The following CCDC40 variants were observed in gnomAD, a reference collection of about 807,000 sequenced individuals.
The protein encoded by CCDC40 is coiled-coil domain 40 molecular ruler complex subunit.
In CCDC40, 104 loss-of-function variants were observed where a neutral mutation model predicts 124.5. That is an observed-to-expected ratio of 0.84 (90% CI 0.71 to 0.98). CCDC40 has a LOEUF of 0.98. Ranked by LOEUF, CCDC40 falls within the 50% of genes least tolerant of loss-of-function variation. CCDC40 has a pLI of 0.00. For missense variants in CCDC40, 1,463 were observed against 1,503.9 expected, an observed-to-expected ratio of 0.97 and a Z score of 0.45; for synonymous variants, 580 against 602.9, an observed-to-expected ratio of 0.96 and a Z score of 0.56.
At position 80,095,955 on chromosome 17, in the gene CCDC40, T is replaced by C. The variant is rs894952055; in HGVS notation, c.3021+504T>C. ...GCCTGCATCCGCATACCCCAGGCCA[T>C]GTCCACTGGGCCTGCACTGGGAGGG... On this transcript the variant is annotated intron_variant, in intron 18 of 19. Transcript: ENST00000397545. 1.1e-4 allele frequency among the ~76,000 whole-genome samples: 17 copies of C among 152,216 alleles called. 1 individual carries two copies. The highest frequency in any genetic ancestry group is 1.1e-3 in the Admixed American group (17 of 15,292).
In CCDC40 at chr17:80,099,918, C is replaced by T; in HGVS notation, c.*143C>T. The T allele has an allele frequency of 1.1e-6, 1 of 877,522 alleles. No homozygotes were observed. Among genetic ancestry groups the T allele is most frequent in the Non-Finnish European group, 1.7e-6 (1 of 573,018 alleles). 54.4% of individuals were successfully genotyped at this position (877,522 alleles called of 1,614,324 possible). On this transcript the variant is annotated 3_prime_UTR_variant, in exon 20 of 20. Transcript: ENST00000397545. The stretch of plus-strand genomic sequence containing the variant: ...TCGTTTAAGAGAAATAAGCCAGCCC[C>T]ACCCATAGGAATCTTTTTAGCCACT...
At chr17:80,062,980 G>A (rs2037943567) in intron 9 of CCDC40, among the ~76,000 whole-genome samples, 1 of 152,072 alleles carries the variant, frequency 6.6e-6, no homozygotes, top group Non-Finnish European at 1.5e-5. Context: ...GATCACCTGA[G>A]GGTCAGGAGT....
intron 10 of CCDC40, chr17:80,067,421 C>T (rs1270502706): frequency 9.2e-6 from 6 of 655,016 alleles, no homozygotes; most frequent in African/African-American, 1.8e-5. Context: ...TATGCGTTCA[C>T]CCGGAGTCTT....
intron 12 of CCDC40, among the ~76,000 whole-genome samples, chr17:80,084,128 G>C (rs1016331798): frequency 6.6e-6 from 1 of 152,200 alleles, no homozygotes; most frequent in East Asian, 1.9e-4. Flanking sequence ...TGTGTGCTAC[G>C]ATTTAAGAAG....
chr17:80,053,302 CAGATG>C (rs2037654601), intron 7 of CCDC40, among the ~76,000 whole-genome samples: 2 of 152,182 alleles, frequency 1.3e-5, no homozygotes, highest in Non-Finnish European at 2.9e-5. Flanking sequence ...CGGGAAAACC[CAGATG>C]GCCTCTTGAG....
chr17:80,080,931 T>C (rs865792572), intron 10 of CCDC40, among the ~76,000 whole-genome samples: 3 of 152,328 alleles, frequency 2.0e-5, no homozygotes, highest in Middle Eastern at 3.4e-3. Flanking sequence ...TGGAATGTTC[T>C]CAACACGAAG....
At chr17:80,049,396 C>T (rs1016333480) in intron 5 of CCDC40, among the ~76,000 whole-genome samples, 1 of 135,794 alleles carries the variant, frequency 7.4e-6, no homozygotes, top group African/African-American at 2.7e-5. Context: ...GCAATAAGAG[C>T]GAAACTCTGT....
At chr17:80,094,578 C>A (rs1174034457) in intron 17 of CCDC40, among the ~76,000 whole-genome samples, 2 of 152,176 alleles carry the variant, frequency 1.3e-5, no homozygotes, top group African/African-American at 4.8e-5. Context: ...ACCTGTAATC[C>A]TAGCTACTCA....
In CCDC40 at chr17:80,086,132, C is replaced by CAGGAGCAGG; in HGVS notation, c.2374_2382dup (p.Glu792_Gln794dup). On this transcript the variant is annotated inframe_insertion, in exon 14 of 20. Coordinates refer to ENST00000397545, the MANE Select transcript of CCDC40 (RefSeq NM_017950.4). This position sits in a 1 kb window ranked among gnomAD's most constrained non-coding sequence, Gnocchi z 5.5. ...GCAGCAGGAGATGGTCAAGGTGACA[C>CAGGAGCAGG]AGGAGCAGGAGGAGCAGCTGGCCTC... 6.2e-7 allele frequency: 1 copy of CAGGAGCAGG among 1,614,102 alleles called. No homozygotes were observed. Among genetic ancestry groups the CAGGAGCAGG allele is most frequent in the Non-Finnish European group, 8.5e-7 (1 of 1,180,018 alleles).
chr17:80,065,092 C>G (rs1237683541), intron 9 of CCDC40, among the ~76,000 whole-genome samples: 1 of 76,338 alleles, frequency 1.3e-5, no homozygotes, highest in Non-Finnish European at 2.6e-5. Flanking sequence ...CATCTCCTCC[C>G]CCTCCCTCTC....
intron 3 of CCDC40, among the ~76,000 whole-genome samples, chr17:80,042,425 T>C (rs1003222258): frequency 6.6e-6 from 1 of 152,186 alleles, no homozygotes; most frequent in Non-Finnish European, 1.5e-5. Context: ...TGCCCAGTAT[T>C]TCACATTTTT....
At chr17:80,097,170 C>G in intron 18 of CCDC40, 75 bp from the exon 19 acceptor site, 1 of 1,532,216 alleles carries the variant, frequency 6.5e-7, no homozygotes, top group Non-Finnish European at 9.0e-7. Context: ...CTGGCAGGTC[C>G]TCCCAGCCTG....
intron 16 of CCDC40, 90 bp from the exon 17 acceptor site, chr17:80,089,674 T>A: frequency 6.6e-7 from 1 of 1,516,866 alleles, no homozygotes; most frequent in Non-Finnish European, 9.1e-7. Context: ...CATTGCAGCT[T>A]GAGAGCCTTG....
At chr17:80,068,733 A>T (rs1295932986) in intron 10 of CCDC40, among the ~76,000 whole-genome samples, 1 of 152,154 alleles carries the variant, frequency 6.6e-6, no homozygotes, top group Non-Finnish European at 1.5e-5. Flanking sequence ...GAGAAGGCAC[A>T]CTTGTCCTGG....
chr17:80,085,011 G>T (rs369919631), intron 13 of CCDC40, 23 bp downstream of exon 13: 13 of 1,611,792 alleles, frequency 8.1e-6, no homozygotes, highest in African/African-American at 1.3e-5. Flanking sequence ...GCAGGGAGAC[G>T]TGGTCCCCGG....
chr17:80,090,445 A>G (rs1462554855), intron 17 of CCDC40: 1 of 195,070 alleles, frequency 5.1e-6, no homozygotes. Context: ...CACAGGACAC[A>G]CACAAGCACG....
Position 80,040,097 on chromosome 17 carries a change from G to T in CCDC40, c.379G>T (p.Glu127Ter). 6.2e-7 allele frequency: 1 copy of T among 1,614,152 alleles called. No individual in the cohort carries two copies. The highest frequency in any genetic ancestry group is 1.3e-5 in the African/African-American group (1 of 75,052). ...TCCTCCTCAGGAACTGCCTGGAGAG[G>T]AGGCATACGATAGTGTTAGCGGGGA... The part of the protein sequence containing the change: ...FSPPQELPGE[E>*]AYDSVSGEAG... Residue 127 changes from glutamate (E) to a stop codon, truncating the protein, a stop_gained, in exon 3 of 20, where the codon GAG (glutamate) becomes TAG (stop). Coordinates refer to ENST00000397545, the MANE Select transcript of CCDC40 (RefSeq NM_017950.4). LOFTEE classifies it high-confidence loss of function.
At chr17:80,051,584 C>G (rs1336087460) in intron 7 of CCDC40, among the ~76,000 whole-genome samples, 2 of 130,242 alleles carry the variant, frequency 1.5e-5, no homozygotes, top group Non-Finnish European at 3.1e-5. Flanking sequence ...AGCCGAGATC[C>G]CGCCACTGCA....
At position 80,056,016 on chromosome 17, in the gene CCDC40, A is replaced by ATTTTTTT. The variant is rs1193599741; in HGVS notation, c.1160-2469_1160-2463dup. ...TATATATATATATATATATATATAT[A>ATTTTTTT]TTTTTTTTTTTTTTTGGTAGAAACA... On this transcript the variant is annotated intron_variant, in intron 7 of 19. Transcript: ENST00000397545. 2.3e-3 allele frequency among the ~76,000 whole-genome samples: 24 copies of ATTTTTTT among 10,250 alleles called. 7 individuals carry two copies. The highest frequency in any genetic ancestry group is 0.5 in the Middle Eastern group (2 of 4). The allele number at this position is 10,250 out of a possible 152,430, so 6.7% of individuals were successfully genotyped here. A position where few individuals can be genotyped will look rare whatever the true frequency, so the allele number is the denominator to read the frequency against.
Sources: gnomAD v4.1 joint callset for allele counts (sites outside exome capture counted in the v4.1 genomes callset) on GRCh38, gnomAD v4.1.1 for gene constraint, Gnocchi (gnomAD v3.1) non-coding constraint, MANE v1.5 for transcripts, NCBI Gene and HGNC (gene_info 2026-07-23, HGNC 2026-07-21) for gene names.